Variants in KIF11 observed in about 807,000 individuals in gnomAD.
KIF11 encodes kinesin-like protein KIF11.
Under a neutral mutation model 121.0 loss-of-function variants are expected in KIF11, and 9 were observed. The ratio of observed to expected loss-of-function variants is 0.07; its 90% CI spans 0.04 to 0.13. KIF11 has a LOEUF of 0.13. Ranked by LOEUF, KIF11 falls within the 10% of genes least tolerant of loss-of-function variation. The probability of loss-of-function intolerance (pLI) is 1.00; values close to 1 mark genes in which losing one functional copy is unlikely to be tolerated. For missense variants in KIF11, 846 were observed against 1,217.5 expected (o/e 0.69, Z 4.54); for synonymous variants, 408 against 421.0 (o/e 0.97, Z 0.38).
intron 1 of KIF11, among the ~76,000 whole-genome samples, chr10:92,604,910 A>AT (rs766543622): frequency 1.3e-4 from 20 of 152,156 alleles, no homozygotes; most frequent in Non-Finnish European, 2.5e-4. Flanking sequence ...TTTAACAGAT[A>AT]TTTAAGAACC....
At chr10:92,631,297 A>G (rs1189364319) in intron 12 of KIF11, among the ~76,000 whole-genome samples, 1 of 100,328 alleles carries the variant, frequency 1.0e-5, no homozygotes, top group Admixed American at 1.0e-4. Flanking sequence ...CTGTTTCAGA[A>G]AAAAAAAAAA....
intron 13 of KIF11, among the ~76,000 whole-genome samples, chr10:92,633,063 CT>C (rs369354437): frequency 0.019 from 2,950 of 151,318 alleles, 106 homozygotes; most frequent in African/African-American, 0.065. Flanking sequence ...CATTCTGCAA[CT>C]TTTTTTGGGG....
intron 1 of KIF11, among the ~76,000 whole-genome samples, chr10:92,601,775 C>G (rs559137945): frequency 1.3e-5 from 2 of 150,926 alleles, no homozygotes; most frequent in Non-Finnish European, 2.9e-5. Context: ...CTCCTGGCTT[C>G]GGGTGATCCT....
At chr10:92,642,973 G>A (rs1269397042) in intron 17 of KIF11, among the ~76,000 whole-genome samples, 1 of 152,198 alleles carries the variant, frequency 6.6e-6, no homozygotes, top group East Asian at 1.9e-4. Context: ...GTACAGTGGT[G>A]CAATCTTGGC....
intron 14 of KIF11, among the ~76,000 whole-genome samples, chr10:92,635,346 C>A (rs527314383): frequency 6.6e-6 from 1 of 152,282 alleles, no homozygotes; most frequent in South Asian, 2.1e-4. Context: ...TATAGGCATA[C>A]TTCAGAGATA....
chr10:92,612,130 TG>T (rs1208693433), intron 6 of KIF11, among the ~76,000 whole-genome samples: 3 of 149,918 alleles, frequency 2.0e-5, no homozygotes, highest in Non-Finnish European at 4.5e-5. Context: ...TTTGCTTGTT[TG>T]TTTTTTTGTG....
At chr10:92,631,555 G>T (rs1329838038) in intron 12 of KIF11, among the ~76,000 whole-genome samples, 11 of 149,606 alleles carry the variant, frequency 7.4e-5, no homozygotes, top group Non-Finnish European at 5.9e-5. Flanking sequence ...TAGAGACGGG[G>T]TTTCACCTTG....
chr10:92,598,622 T>C (rs2135895755), intron 1 of KIF11, among the ~76,000 whole-genome samples: 1 of 152,348 alleles, frequency 6.6e-6, no homozygotes, highest in African/African-American at 2.4e-5. Context: ...TCTATTTTTG[T>C]AAAACACGTC....
Position 92,621,438 on chromosome 10 carries a change from G to A in KIF11, c.1182G>A (p.Glu394=). ...AACGAGATCTTGCTGCAGCCCGTGA[G>A]AAAAATGGAGTGTATATTTCTGAAG... ...RLKRDLAAAR[E]KNGVYISEEN... Residue 394 remains glutamate, a synonymous_variant, in exon 10 of 22, where the codon GAG becomes GAA. Transcript: ENST00000260731. 6.2e-7 allele frequency: 1 copy of A among 1,613,252 alleles called. No individual in the cohort carries two copies. The highest frequency in any genetic ancestry group is 8.5e-7 in the Non-Finnish European group (1 of 1,179,342).
intron 10 of KIF11, among the ~76,000 whole-genome samples, chr10:92,624,582 T>C (rs1844651740): frequency 6.6e-6 from 1 of 152,150 alleles, no homozygotes; most frequent in Admixed American, 6.5e-5. Flanking sequence ...ATGGTGTATA[T>C]GTACCACATT....
chr10:92,619,957 C>T (rs12260688), intron 9 of KIF11, among the ~76,000 whole-genome samples: 22,690 of 151,432 alleles, frequency 0.15, 3,613 homozygotes, highest in African/African-American at 0.4. Context: ...CTTTGTAAAT[C>T]GGTAGCTGAA....
chr10:92,623,861 A>C (rs189491373), intron 10 of KIF11, among the ~76,000 whole-genome samples: 1 of 152,292 alleles, frequency 6.6e-6, no homozygotes, highest in East Asian at 1.9e-4. Flanking sequence ...GTTTAGTCCC[A>C]TGATTGAAAA....
At chr10:92,608,985 T>C (rs1844461989) in intron 4 of KIF11, 35 bp from the exon 5 acceptor site, 13 of 1,236,358 alleles carry the variant, frequency 1.1e-5, no homozygotes, top group Non-Finnish European at 1.3e-5. Flanking sequence ...GTAAATGGCA[T>C]TCTTCCTTTA....
At chr10:92,595,817 A>G (rs1250350575) in intron 1 of KIF11, among the ~76,000 whole-genome samples, 1 of 152,140 alleles carries the variant, frequency 6.6e-6, no homozygotes, top group Admixed American at 6.6e-5. Flanking sequence ...GTGGAGTCAT[A>G]ATACAGTATT....
chr10:92,633,789 A>G lies in KIF11; in HGVS notation c.1869A>G (p.Glu623=), dbSNP rs1230162079. 3.8e-6 allele frequency: 6 copies of G among 1,565,132 alleles called. No homozygotes were observed. Among genetic ancestry groups the G allele is most frequent in the Non-Finnish European group, 5.2e-6 (6 of 1,144,892 alleles). The change falls in exon 14 of 22, where the codon GAA becomes GAG. Residue 623 remains glutamate (E), a synonymous_variant. Coordinates refer to ENST00000260731, the MANE Select transcript of KIF11 (RefSeq NM_004523.4). ...LAAESKTVLQ[E]LINVLKTDLL... is the part of the protein sequence containing the mutation. ...CAGAAAGTAAAACTGTACTACAGGAATTGATTGTTAGTACATCCTTTAAAA... is the reference window on the plus strand; with the variant it reads ...CAGAAAGTAAAACTGTACTACAGGAGTTGATTGTTAGTACATCCTTTAAAA...
intron 18 of KIF11, 152 bp downstream of exon 18, chr10:92,645,794 C>A (rs1031362157): frequency 2.5e-5 from 15 of 597,606 alleles, no homozygotes; most frequent in Non-Finnish European, 4.0e-5. Context: ...TACAGATGAT[C>A]TCGTTTTGTG....
chr10:92,649,755 A>C, intron 19 of KIF11, 80 bp from the exon 20 acceptor site: 1 of 896,680 alleles, frequency 1.1e-6, no homozygotes, highest in Non-Finnish European at 1.7e-6. Context: ...AGACAAGATT[A>C]ATTAGGAAGT....
chr10:92,594,977 CAG>C (rs1411862901), intron 1 of KIF11, among the ~76,000 whole-genome samples: 1 of 152,044 alleles, frequency 6.6e-6, no homozygotes, highest in African/African-American at 2.4e-5. Context: ...GCGAGGTCCT[CAG>C]GGGTTGGTAA....
chr10:92,600,646 T>G (rs945991678), intron 1 of KIF11, among the ~76,000 whole-genome samples: 1 of 151,924 alleles, frequency 6.6e-6, no homozygotes, highest in African/African-American at 2.4e-5. Flanking sequence ...TAGCTGGGAC[T>G]ACAGGCATGC....
Sources: allele counts gnomAD v4.1 joint callset (sites outside exome capture counted in the v4.1 genomes callset), GRCh38; gene constraint gnomAD v4.1.1; transcripts MANE v1.5; gene names NCBI Gene and HGNC (gene_info 2026-07-23, HGNC 2026-07-21).